SRP54: variants seen among roughly 807,000 people sequenced by gnomAD.
The protein encoded by SRP54 is signal recognition particle subunit SRP54.
Under a neutral mutation model 64.8 loss-of-function variants are expected in SRP54, and 10 were observed. The observed-to-expected ratio is 0.15, with a 90% CI of 0.10 to 0.26. The LOEUF (loss-of-function observed/expected upper bound fraction) is 0.26, where lower values mean the gene tolerates loss of function less well. Ranked by LOEUF, SRP54 falls within the 10% of genes least tolerant of loss-of-function variation. The pLI is 1.00. For missense variants in SRP54, 325 were observed against 613.7 expected (o/e 0.53, Z 4.97); for synonymous variants, 193 against 185.6 (o/e 1.04, Z -0.32).
chr14:35,002,953 C>G (rs1308526874), intron 4 of SRP54, among the ~76,000 whole-genome samples: 3 of 151,634 alleles, frequency 2.0e-5, no homozygotes, highest in South Asian at 4.2e-4. Context: ...GCCATGTTGC[C>G]CTAGCTGGTC....
At chr14:35,007,144 G>A (rs1246690352) in intron 4 of SRP54, 139 bp from the exon 5 acceptor site, 7 of 429,360 alleles carry the variant, frequency 1.6e-5, no homozygotes, top group African/African-American at 1.2e-4. Flanking sequence ...AGTGAGCTCT[G>A]ATTATGCCAC....
Position 34,998,965 on chromosome 14 carries a change from TTGTGTGTATGTGTGTGTGTG to T in SRP54, c.79-585_79-566del, listed in dbSNP as rs1375991932. On this transcript the variant is annotated intron_variant, in intron 2 of 15. Coordinates refer to ENST00000216774, the MANE Select transcript of SRP54 (RefSeq NM_003136.4). The stretch of plus-strand genomic sequence containing the variant: ...CTTGAATATTGTCTTTATTATTACT[TTGTGTGTATGTGTGTGTGTG>T]TGTGTGTGTGTGTGTGTGTGTGTGT... Among the ~76,000 whole-genome samples the T allele has an allele frequency of 8.2e-5, 10 of 121,868 alleles. No homozygotes were observed. In the South Asian group the frequency reaches 8.4e-4, roughly 10 times the overall value. The allele number at this position is 121,868 out of a possible 152,430, so 80.0% of individuals were successfully genotyped here. A position where few individuals can be genotyped will look rare whatever the true frequency, so the allele number is the denominator to read the frequency against.
chr14:35,024,264 A>G (rs2044583521), intron 14 of SRP54, among the ~76,000 whole-genome samples: 1 of 152,030 alleles, frequency 6.6e-6, no homozygotes, highest in South Asian at 2.1e-4. Context: ...CCTGACCTCA[A>G]ATGATGTGCC....
At chr14:35,024,791 A>G (rs2044595115) in intron 14 of SRP54, among the ~76,000 whole-genome samples, 1 of 151,692 alleles carries the variant, frequency 6.6e-6, no homozygotes. Context: ...CACTGGCATG[A>G]TCTCAGCTCA....
Position 35,005,344 on chromosome 14 carries a change from C to G in SRP54, c.256-1939C>G, listed in dbSNP as rs529549475. 6.6e-5 allele frequency among the ~76,000 whole-genome samples: 10 copies of G among 151,708 alleles called. No homozygotes were observed. In the South Asian group the frequency reaches 2.1e-3, roughly 32 times the overall value. On this transcript the variant is annotated intron_variant, in intron 4 of 15. Transcript: ENST00000216774. Reference sequence around the variant, plus strand: ...AGAGTAAGACCCTGTCTCAAAAAAACAAAAAAAGTGGTAAATGAATGGGCA... The same window carrying G: ...AGAGTAAGACCCTGTCTCAAAAAAAGAAAAAAAGTGGTAAATGAATGGGCA...
intron 13 of SRP54, 57 bp downstream of exon 13, chr14:35,019,131 G>C: frequency 8.4e-7 from 1 of 1,185,954 alleles, no homozygotes; most frequent in Non-Finnish European, 1.2e-6. Context: ...AGTAAGATGA[G>C]AGTTTCACTG....
intron 2 of SRP54, among the ~76,000 whole-genome samples, chr14:34,997,447 A>T (rs1434521860): frequency 7.2e-5 from 11 of 152,172 alleles, no homozygotes; most frequent in Non-Finnish European, 1.5e-5. Context: ...AAAAGTACTG[A>T]ATTTGGTGTT....
rs1555352771 is a variant in SRP54, at chr14:34,988,582, T to TATATATATATATATATATAAC, written c.-34+5380_-34+5381insTATATAACATATATATATATA. 6.1e-3 allele frequency among the ~76,000 whole-genome samples: 212 copies of TATATATATATATATATATAAC among 34,794 alleles called. 1 individual carries two copies. The highest frequency in any genetic ancestry group is 0.014 in the African/African-American group (193 of 13,626). 22.8% of individuals were successfully genotyped at this position (34,794 alleles called of 152,430 possible). On this transcript the variant is annotated intron_variant, in intron 1 of 15. Coordinates refer to ENST00000216774, the MANE Select transcript of SRP54 (RefSeq NM_003136.4). Reference sequence around the variant, plus strand: ...TCTCAAAAAAAAAAAAAAAAAAATATATATATATATATAACATATATATAT... The same window carrying TATATATATATATATATATAAC: ...TCTCAAAAAAAAAAAAAAAAAAATATATATATATATATATATATAACATATATATATATAACATATATATAT...
chr14:34,991,716 T>G (rs537708383), intron 1 of SRP54, among the ~76,000 whole-genome samples: 1 of 133,920 alleles, frequency 7.5e-6, no homozygotes, highest in Non-Finnish European at 1.6e-5. Context: ...AAATCAGTCA[T>G]GCGTGTGTGT....
At position 35,011,539 on chromosome 14, in the gene SRP54, T is replaced by C; in HGVS notation, c.516T>C (p.Ala172=). ...CAGAAATGGATCCTGTCATCATTGC[T>C]TCTGAAGGAGTAGAGAAATTTAAAA... ...SYTEMDPVII[A]SEGVEKFKNE... is the part of the protein sequence containing the mutation. Residue 172 remains alanine (A), a synonymous_variant, in exon 8 of 16, where the codon GCT becomes GCC. Coordinates refer to ENST00000216774, the MANE Select transcript of SRP54 (RefSeq NM_003136.4). 1 of 1,569,734 alleles carries C rather than the reference T, an allele frequency of 6.4e-7. No homozygotes were observed. The highest frequency in any genetic ancestry group is 1.2e-5 in the South Asian group (1 of 83,088).
intron 1 of SRP54, among the ~76,000 whole-genome samples, chr14:34,996,053 A>G: frequency 7.2e-6 from 1 of 139,210 alleles, no homozygotes; most frequent in Non-Finnish European, 1.6e-5. Flanking sequence ...TGACAGAGTG[A>G]GACCCTGTCT....
chr14:34,984,588 G>A (rs1329199957), intron 1 of SRP54, among the ~76,000 whole-genome samples: 12 of 152,030 alleles, frequency 7.9e-5, no homozygotes, highest in Admixed American at 5.2e-4. Context: ...TGCAACCTCC[G>A]CCTCCCAGGT....
intron 14 of SRP54, among the ~76,000 whole-genome samples, chr14:35,026,168 G>GGC (rs147264016): frequency 6.6e-6 from 1 of 151,318 alleles, no homozygotes; most frequent in Non-Finnish European, 1.5e-5. Context: ...TATCTATTCT[G>GGC]TTGTTGTTTT....
intron 11 of SRP54, among the ~76,000 whole-genome samples, chr14:35,018,294 A>G (rs1241080121): frequency 2.0e-5 from 3 of 152,188 alleles, no homozygotes; most frequent in Non-Finnish European, 2.9e-5. Flanking sequence ...AACTCCAAAC[A>G]ATCTTCTAAA....
At chr14:35,027,889 G>A in intron 14 of SRP54, 199 bp from the exon 15 acceptor site, 1 of 359,340 alleles carries the variant, frequency 2.8e-6, no homozygotes, top group Non-Finnish European at 5.0e-6. Flanking sequence ...AATTTTACAT[G>A]GTCTTCAAAA....
Position 35,016,568 on chromosome 14 carries a change from C to G in SRP54, c.973+1738C>G, listed in dbSNP as rs188788210. Reference sequence around the variant, plus strand: ...CACTTCAGATTTCTCCTTAAATGTCCTTCTTCAGGGACATTTCACCTGAAC... The same window carrying G: ...CACTTCAGATTTCTCCTTAAATGTCGTTCTTCAGGGACATTTCACCTGAAC... On this transcript the variant is annotated intron_variant, in intron 11 of 15. Coordinates refer to ENST00000216774, the MANE Select transcript of SRP54 (RefSeq NM_003136.4). Among the ~76,000 whole-genome samples the G allele has an allele frequency of 2.0e-5, 3 of 152,314 alleles. No individual in the cohort carries two copies. In the South Asian group the frequency reaches 6.2e-4, roughly 32 times the overall value.
At chr14:34,995,135 GT>G (rs1566643567) in intron 1 of SRP54, among the ~76,000 whole-genome samples, 5,159 of 56,628 alleles carry the variant, frequency 0.091, 297 homozygotes, top group East Asian at 0.22. Context: ...TCAATAAAGG[GT>G]GTGTGTGTGT....
At chr14:34,988,392 T>C (rs553678805) in intron 1 of SRP54, among the ~76,000 whole-genome samples, 25 of 150,200 alleles carry the variant, frequency 1.7e-4, no homozygotes, top group African/African-American at 5.9e-4. Context: ...TGAAACCCCG[T>C]CTCTACTAAA....
chr14:35,001,260 T>C (rs1167968488), intron 4 of SRP54, among the ~76,000 whole-genome samples: 1 of 149,262 alleles, frequency 6.7e-6, no homozygotes, highest in African/African-American at 2.5e-5. Flanking sequence ...CAAGCAATTC[T>C]CCTGCCTCAG....
Sources: allele counts gnomAD v4.1 joint callset (sites outside exome capture counted in the v4.1 genomes callset), GRCh38; gene constraint gnomAD v4.1.1; transcripts MANE v1.5; gene names NCBI Gene and HGNC (gene_info 2026-07-23, HGNC 2026-07-21).